ACTR3B: variants seen among roughly 807,000 people sequenced by gnomAD.
ACTR3B encodes the protein actin-related protein 3B.
In ACTR3B, 8 loss-of-function variants were observed where a neutral mutation model predicts 59.0. The ratio of observed to expected loss-of-function variants is 0.14; its 90% CI spans 0.08 to 0.24. The LOEUF is 0.24. ACTR3B is among the 10% of genes least tolerant of loss of function. The pLI is 1.00. For missense variants in ACTR3B, 245 were observed against 552.3 expected, an observed-to-expected ratio of 0.44 and a Z score of 5.58; for synonymous variants, 148 against 197.9, an observed-to-expected ratio of 0.75 and a Z score of 2.12.
intron 1 of ACTR3B, among the ~76,000 whole-genome samples, chr7:152,768,969 C>T (rs1017652827): frequency 2.0e-4 from 31 of 151,864 alleles, no homozygotes; most frequent in Admixed American, 3.3e-4. Context: ...TTCTTTGCCT[C>T]AGCCTCCCGA....
intron 5 of ACTR3B, among the ~76,000 whole-genome samples, chr7:152,816,277 A>G (rs926255350): frequency 2.0e-5 from 3 of 152,000 alleles, no homozygotes; most frequent in Non-Finnish European, 2.9e-5. Context: ...TGACTCCTAT[A>G]GTTGTAAGTA....
At chr7:152,845,803 G>T (rs533204567) in intron 9 of ACTR3B, among the ~76,000 whole-genome samples, 48 of 152,350 alleles carry the variant, frequency 3.2e-4, no homozygotes, top group Non-Finnish European at 4.3e-4. Context: ...CCCGCTGAGA[G>T]CTCAGCATAG....
chr7:152,763,734 T>C (rs1438963339), intron 1 of ACTR3B, among the ~76,000 whole-genome samples: 1 of 152,242 alleles, frequency 6.6e-6, no homozygotes, highest in African/African-American at 2.4e-5. Flanking sequence ...CATTGGTGAT[T>C]CTTGCCTGAA....
At chr7:152,837,970 C>T (rs1336386309) in intron 9 of ACTR3B, among the ~76,000 whole-genome samples, 3 of 152,160 alleles carry the variant, frequency 2.0e-5, no homozygotes, top group Non-Finnish European at 2.9e-5. Flanking sequence ...GTTTCCATTT[C>T]ATCTGGGCGA....
chr7:152,788,674 G>T (rs1167064137), intron 2 of ACTR3B, among the ~76,000 whole-genome samples: 2 of 152,048 alleles, frequency 1.3e-5, no homozygotes, highest in African/African-American at 4.8e-5. Context: ...GCTTCCCAGC[G>T]TGCTGGGATT....
At chr7:152,794,820 C>G (rs1179456559) in intron 2 of ACTR3B, among the ~76,000 whole-genome samples, 5 of 152,128 alleles carry the variant, frequency 3.3e-5, no homozygotes, top group Non-Finnish European at 7.4e-5. Context: ...CATTTCAGCC[C>G]GTGTTTCCAC....
chr7:152,799,316 G>C (rs4071599), intron 2 of ACTR3B, among the ~76,000 whole-genome samples: 1 of 152,162 alleles, frequency 6.6e-6, no homozygotes, highest in Non-Finnish European at 1.5e-5. Context: ...TCTAATGTCT[G>C]TTCTGATAGC....
chr7:152,787,297 C>T (rs1290532883), intron 2 of ACTR3B, among the ~76,000 whole-genome samples: 1 of 152,198 alleles, frequency 6.6e-6, no homozygotes, highest in African/African-American at 2.4e-5. Context: ...CTTTCATTGC[C>T]TGTTCATATC....
intron 10 of ACTR3B, among the ~76,000 whole-genome samples, chr7:152,852,588 A>C (rs1798902483): frequency 1.3e-5 from 2 of 152,266 alleles, no homozygotes; most frequent in African/African-American, 4.8e-5. Flanking sequence ...TATGGTGAGG[A>C]TCTTTCATGT....
At chr7:152,806,408 C>T (rs183541909) in intron 4 of ACTR3B, among the ~76,000 whole-genome samples, 19 of 152,280 alleles carry the variant, frequency 1.2e-4, no homozygotes, top group East Asian at 1.9e-4. Context: ...TCTTCAAAGA[C>T]GGTGAAGTGT....
chr7:152,830,301 T>C (rs192066762), intron 9 of ACTR3B, among the ~76,000 whole-genome samples: 4 of 152,158 alleles, frequency 2.6e-5, no homozygotes, highest in Admixed American at 2.0e-4. Flanking sequence ...GAAACAAACC[T>C]AGGAGGGAGG....
At chr7:152,781,123 A>G (rs560021539) in intron 1 of ACTR3B, among the ~76,000 whole-genome samples, 2 of 151,418 alleles carry the variant, frequency 1.3e-5, no homozygotes, top group Admixed American at 6.6e-5. Flanking sequence ...CGAAGATGAT[A>G]TAATAGCCTG....
At chr7:152,794,131 G>C (rs1405931995) in intron 2 of ACTR3B, among the ~76,000 whole-genome samples, 1 of 152,154 alleles carries the variant, frequency 6.6e-6, no homozygotes, top group Middle Eastern at 3.2e-3. Context: ...CTCTTGCATG[G>C]ATACAGTTGC....
chr7:152,804,512 C>T (rs1415272364), intron 4 of ACTR3B, among the ~76,000 whole-genome samples: 1 of 152,054 alleles, frequency 6.6e-6, no homozygotes, highest in Non-Finnish European at 1.5e-5. Context: ...GGGCAGACAC[C>T]TCTGGCACAC....
chr7:152,829,488 G>A (rs551148160), intron 9 of ACTR3B, among the ~76,000 whole-genome samples: 73 of 152,238 alleles, frequency 4.8e-4, no homozygotes, highest in Middle Eastern at 3.4e-3. Context: ...TTTTATTTCC[G>A]TCTGACGTGT....
intron 1 of ACTR3B, among the ~76,000 whole-genome samples, chr7:152,761,787 T>A (rs890024104): frequency 6.6e-6 from 1 of 152,158 alleles, no homozygotes; most frequent in Non-Finnish European, 1.5e-5. Context: ...CCAAAATGAT[T>A]TTTGGATTTA....
At chr7:152,798,814 A>G (rs758633480) in intron 2 of ACTR3B, among the ~76,000 whole-genome samples, 1 of 152,136 alleles carries the variant, frequency 6.6e-6, no homozygotes, top group Non-Finnish European at 1.5e-5. Context: ...GTGTAAATAC[A>G]TGGATTCATT....
intron 2 of ACTR3B, among the ~76,000 whole-genome samples, chr7:152,795,031 A>T (rs1336459993): frequency 2.3e-4 from 32 of 141,266 alleles, no homozygotes; most frequent in South Asian, 4.4e-4. Context: ...CTTCAGTTTC[A>T]CTCTCTTTTT....
chr7:152,821,694 C>A (rs191786804), intron 7 of ACTR3B, among the ~76,000 whole-genome samples: 23 of 152,296 alleles, frequency 1.5e-4, no homozygotes, highest in East Asian at 1.9e-4. Context: ...GTGTCTCCCC[C>A]CTGTGAAGGC....
Sources: gnomAD v4.1 joint callset for allele counts (sites outside exome capture counted in the v4.1 genomes callset) on GRCh38, gnomAD v4.1.1 for gene constraint, MANE v1.5 for transcripts, NCBI Gene and HGNC (gene_info 2026-07-23, HGNC 2026-07-21) for gene names.